The following PRKD2 variants were observed in gnomAD, a reference collection of about 807,000 sequenced individuals.
The protein encoded by PRKD2 is serine/threonine-protein kinase D2.
Under a neutral mutation model 86.0 loss-of-function variants are expected in PRKD2, and 22 were observed. The observed-to-expected ratio is 0.26, with a 90% CI of 0.18 to 0.37. The LOEUF is 0.37. Ranked by LOEUF, PRKD2 falls within the 10% of genes least tolerant of loss-of-function variation. The probability of loss-of-function intolerance (pLI) is 1.00; values close to 1 mark genes in which losing one functional copy is unlikely to be tolerated. For missense variants in PRKD2, 818 were observed against 1,199.2 expected, an observed-to-expected ratio of 0.68 and a Z score of 4.70; for synonymous variants, 509 against 510.9, an observed-to-expected ratio of 1.00 and a Z score of 0.05.
At chr19:46,701,620 CTGGGATTA>C (rs879887113) in intron 5 of PRKD2, among the ~76,000 whole-genome samples, 3 of 151,576 alleles carry the variant, frequency 2.0e-5, no homozygotes, top group Non-Finnish European at 4.4e-5. Flanking sequence ...CCTAAAAGTG[CTGGGATTA>C]CAGGCGTGAG....
rs1384669618 is a variant in PRKD2, at chr19:46,702,042, T to TG, written c.890-931_890-930insC. Among the ~76,000 whole-genome samples, 341 of 150,480 alleles carry TG rather than the reference T, an allele frequency of 2.3e-3. 2 individuals are homozygous for TG. Among genetic ancestry groups the TG allele is most frequent in the African/African-American group, 6.9e-3 (284 of 41,076 alleles). ...GGTTCTATGATTCTGTTTTTTGTTT[T>TG]TTTTTTTTTTTTTTAAGAAACAGTC... On this transcript the variant is annotated intron_variant, in intron 5 of 17. Coordinates refer to ENST00000291281, the MANE Select transcript of PRKD2 (RefSeq NM_016457.5).
At chr19:46,679,634 A>G (rs1207355469) in intron 15 of PRKD2, among the ~76,000 whole-genome samples, 2 of 151,492 alleles carry the variant, frequency 1.3e-5, no homozygotes, top group Non-Finnish European at 1.5e-5. Flanking sequence ...TCATTGTTTT[A>G]TTTTTTTTGA....
intron 7 of PRKD2, among the ~76,000 whole-genome samples, chr19:46,699,546 C>T (rs559825020): frequency 3.6e-4 from 55 of 152,270 alleles, no homozygotes; most frequent in South Asian, 1.2e-3. Flanking sequence ...AGGAGGAAAC[C>T]GTGGCACACA....
In PRKD2 at chr19:46,697,854, C is replaced by T; in HGVS notation, c.1122-4G>A. ...TAGGGGGATGTACCCCAGGGAGCTG[C>T]GAAGGAAGAGGAAGGGGTGAGAAGT... On this transcript the variant is annotated splice_region_variant and splice_polypyrimidine_tract_variant and intron_variant, in intron 7 of 17. Transcript: ENST00000291281. 7.5e-6 allele frequency: 12 copies of T among 1,609,398 alleles called. No individual in the cohort carries two copies. The highest frequency in any genetic ancestry group is 4.0e-5 in the African/African-American group (3 of 74,906).
At chr19:46,674,951 A>G in intron 17 of PRKD2, 82 bp downstream of exon 17, 1 of 1,386,278 alleles carries the variant, frequency 7.2e-7, no homozygotes, top group Non-Finnish European at 1.0e-6. Context: ...TACATCCTTC[A>G]CAACCTGCCT....
chr19:46,704,034 C>T, intron 5 of PRKD2, 135 bp downstream of exon 5: 1 of 1,298,630 alleles, frequency 7.7e-7, no homozygotes, highest in East Asian at 2.5e-5. Flanking sequence ...GGTCCCAGAA[C>T]ACTAGGATTC....
At chr19:46,691,000 A>T (rs907053458) in intron 12 of PRKD2, among the ~76,000 whole-genome samples, 6 of 152,316 alleles carry the variant, frequency 3.9e-5, no homozygotes, top group Admixed American at 3.9e-4. Flanking sequence ...GTGACCCGTA[A>T]GAGTCCTGGG....
intron 15 of PRKD2, among the ~76,000 whole-genome samples, chr19:46,680,946 A>ATATATATATTTTTT: frequency 8.3e-5 from 4 of 48,256 alleles, no homozygotes; most frequent in African/African-American, 2.1e-4. Context: ...ATATATATAT[A>ATATATATATTTTTT]TTTTTTTTTT....
intron 14 of PRKD2, among the ~76,000 whole-genome samples, chr19:46,683,958 T>A (rs2122602206): frequency 6.6e-6 from 1 of 152,272 alleles, no homozygotes; most frequent in East Asian, 1.9e-4. Context: ...AATTACCATT[T>A]GTAACCATTC....
At position 46,674,740 on chromosome 19, in the gene PRKD2, G is replaced by A. The variant is rs369880045; in HGVS notation, c.2425-5C>T. The A allele has an allele frequency of 1.4e-4, 230 of 1,602,678 alleles. No individual in the cohort carries two copies. Among genetic ancestry groups the A allele is most frequent in the Non-Finnish European group, 1.9e-4 (219 of 1,179,220 alleles). On this transcript the variant is annotated splice_region_variant and splice_polypyrimidine_tract_variant and intron_variant, in intron 17 of 17. Coordinates refer to ENST00000291281, the MANE Select transcript of PRKD2 (RefSeq NM_016457.5). ...GTCCAGCCACGTCTGGTACTCCTGG[G>A]CCCGAGAGAACTGGGGTTAGCTTGG...
intron 10 of PRKD2, among the ~76,000 whole-genome samples, chr19:46,692,540 T>C (rs1476917850): frequency 1.0e-4 from 9 of 86,310 alleles, no homozygotes; most frequent in African/African-American, 3.4e-4. Context: ...ATCCTGCCCC[T>C]TCCTACTCAC....
chr19:46,700,297 G>A (rs547630592), intron 7 of PRKD2, among the ~76,000 whole-genome samples: 2 of 152,164 alleles, frequency 1.3e-5, no homozygotes, highest in African/African-American at 2.4e-5. Context: ...GCTGAGGCAG[G>A]AGGATCACCT....
In PRKD2 at chr19:46,708,335, T is replaced by TTC. The variant is rs1555831673; in HGVS notation, c.511+2571_511+2572insGA. On this transcript the variant is annotated intron_variant, in intron 3 of 17. Coordinates refer to ENST00000291281, the MANE Select transcript of PRKD2 (RefSeq NM_016457.5). ...TTTTTTTTTTTTTTTTTTTTTTTTT[T>TTC]CTGAGACAATCGTGTTCTGTCACCT... Among the ~76,000 whole-genome samples the TTC allele has an allele frequency of 2.2e-4, 23 of 106,516 alleles. 4 individuals carry two copies. The highest frequency in any genetic ancestry group is 5.1e-4 in the African/African-American group (13 of 25,498). The allele number at this position is 106,516 out of a possible 152,430, so 69.9% of individuals were successfully genotyped here. A position where few individuals can be genotyped will look rare whatever the true frequency, so the allele number is the denominator to read the frequency against.
chr19:46,714,063 G>T (rs909296353), intron 1 of PRKD2, 62 bp from the exon 2 acceptor site: 3 of 1,584,084 alleles, frequency 1.9e-6, no homozygotes, highest in African/African-American at 1.3e-5. Context: ...GCAGCGGGCG[G>T]ACTGTGACCC....
At chr19:46,686,147 G>C (rs1361662716) in intron 14 of PRKD2, 3 of 152,082 alleles carry the variant, frequency 2.0e-5, no homozygotes, top group Admixed American at 1.3e-4. Flanking sequence ...CCAGAAGGAA[G>C]CCTTTCTAGG....
chr19:46,700,916 G>C lies in PRKD2; in HGVS notation c.1004C>G (p.Ala335Gly). The change falls in exon 7 of 18, where the codon GCT (alanine) becomes GGT (glycine). Residue 335 changes from alanine (A) to glycine (G), a missense_variant. Physicochemically the swap from Ala to Gly is moderately conservative, Grantham distance 60. Transcript: ENST00000291281. ...CTCATCCATGAGGGCGCTCTTGTCA[G>C]CCTCGCTGAAATCGGTGGCCTCCTC... Reference protein sequence around the residue: ...PMEEATDFSEADKSALMDESE... With the variant: ...PMEEATDFSEGDKSALMDESE... 1 of 1,614,244 alleles carries C rather than the reference G, an allele frequency of 6.2e-7. No homozygotes were observed. The highest frequency in any genetic ancestry group is 8.5e-7 in the Non-Finnish European group (1 of 1,180,030).
intron 3 of PRKD2, chr19:46,710,607 C>T: frequency 2.7e-6 from 1 of 367,826 alleles, no homozygotes; most frequent in Middle Eastern, 7.3e-4. Flanking sequence ...ATAGAGGCCC[C>T]ACCCTCTTCC....
intron 14 of PRKD2, 50 bp downstream of exon 14, chr19:46,689,487 G>T: frequency 6.4e-7 from 1 of 1,552,082 alleles, no homozygotes; most frequent in East Asian, 2.4e-5. Flanking sequence ...GCCTCTCCAA[G>T]CTGACACCTG....
At chr19:46,705,364 A>G (rs2053699534) in intron 3 of PRKD2, among the ~76,000 whole-genome samples, 1 of 151,210 alleles carries the variant, frequency 6.6e-6, no homozygotes, top group African/African-American at 2.4e-5. Flanking sequence ...CAACTTTCCA[A>G]AAGAAAATGC....
Sources: gnomAD v4.1 joint callset for allele counts (sites outside exome capture counted in the v4.1 genomes callset) on GRCh38, gnomAD v4.1.1 for gene constraint, MANE v1.5 for transcripts, NCBI Gene and HGNC (gene_info 2026-07-23, HGNC 2026-07-21) for gene names.